Variants in WDR70 observed in about 807,000 individuals in gnomAD.
WDR70 encodes WD repeat-containing protein 70.
Under a neutral mutation model 88.6 loss-of-function variants are expected in WDR70, and 53 were observed. The observed-to-expected ratio is 0.60, with a 90% CI of 0.48 to 0.75. WDR70 has a LOEUF of 0.75. Ranked by LOEUF, WDR70 falls within the 30% of genes least tolerant of loss-of-function variation. The probability of loss-of-function intolerance (pLI) is 0.00; values close to 1 mark genes in which losing one functional copy is unlikely to be tolerated. For missense variants in WDR70, 610 were observed against 823.2 expected (o/e 0.74, Z 3.17); for synonymous variants, 280 against 270.0 (o/e 1.04, Z -0.36).
intron 10 of WDR70, among the ~76,000 whole-genome samples, chr5:37,628,065 T>A (rs1744715057): frequency 6.6e-6 from 1 of 152,178 alleles, no homozygotes; most frequent in Non-Finnish European, 1.5e-5. Context: ...GCTAGGACTA[T>A]AGGCACATGA....
chr5:37,512,166 T>A (rs1406633132), intron 8 of WDR70, among the ~76,000 whole-genome samples: 1 of 152,180 alleles, frequency 6.6e-6, no homozygotes, highest in Non-Finnish European at 1.5e-5. Flanking sequence ...ATTCTCTGCC[T>A]CTGTCTTTAC....
At chr5:37,728,270 C>T (rs1200418500) in intron 17 of WDR70, among the ~76,000 whole-genome samples, 2 of 150,692 alleles carry the variant, frequency 1.3e-5, no homozygotes, top group Non-Finnish European at 2.9e-5. Context: ...ATTGCTTGAA[C>T]CCGGGAGGTG....
intron 3 of WDR70, among the ~76,000 whole-genome samples, chr5:37,382,441 C>T (rs1387558799): frequency 6.6e-6 from 1 of 150,916 alleles, no homozygotes; most frequent in East Asian, 2.0e-4. Flanking sequence ...GAGATGGAGT[C>T]TCGCTTTATT....
chr5:37,750,018 AT>A, intron 17 of WDR70, among the ~76,000 whole-genome samples: 1 of 152,160 alleles, frequency 6.6e-6, no homozygotes, highest in East Asian at 1.9e-4. Flanking sequence ...TTGAGGTACA[AT>A]TTACATACAA....
At chr5:37,602,225 A>T (rs913799812) in intron 9 of WDR70, among the ~76,000 whole-genome samples, 12 of 151,708 alleles carry the variant, frequency 7.9e-5, no homozygotes, top group African/African-American at 1.2e-4. Flanking sequence ...TATATATATA[A>T]AAAGAAATTA....
intron 9 of WDR70, among the ~76,000 whole-genome samples, chr5:37,576,572 A>G (rs1743061071): frequency 6.6e-6 from 1 of 152,176 alleles, no homozygotes; most frequent in South Asian, 2.1e-4. Flanking sequence ...CATTAGAACA[A>G]CTAGGCTCTT....
At chr5:37,607,488 T>A (rs537863533) in intron 10 of WDR70, among the ~76,000 whole-genome samples, 58 of 152,312 alleles carry the variant, frequency 3.8e-4, no homozygotes, top group Non-Finnish European at 6.3e-4. Context: ...ACAAAACATA[T>A]CTTTTTAGAA....
chr5:37,703,989 C>T (rs1747244984), intron 13 of WDR70, among the ~76,000 whole-genome samples: 1 of 152,134 alleles, frequency 6.6e-6, no homozygotes, highest in Admixed American at 6.5e-5. Flanking sequence ...GACAATTGAA[C>T]AACTGTTTTT....
rs12188864 is a variant in WDR70, at chr5:37,751,353, C to T, written c.1878-1133C>T. ...TTAAAGTGACAACAAGAAGTTTAAC[C>T]AACTGGGTTGTGTATGGGGACAGCT... On this transcript the variant is annotated intron_variant, in intron 17 of 17. Transcript: ENST00000265107. 8.5e-5 allele frequency among the ~76,000 whole-genome samples: 13 copies of T among 152,186 alleles called. No individual in the cohort carries two copies. The South Asian group carries it at 1.9e-3, about 22-fold the overall frequency.
chr5:37,612,185 A>G (rs979561040), intron 10 of WDR70, among the ~76,000 whole-genome samples: 1 of 152,172 alleles, frequency 6.6e-6, no homozygotes, highest in Non-Finnish European at 1.5e-5. Context: ...TGTTTCTGGT[A>G]TCTTTGAGAA....
chr5:37,617,540 A>C (rs1000657497), intron 10 of WDR70, among the ~76,000 whole-genome samples: 4 of 152,180 alleles, frequency 2.6e-5, no homozygotes, highest in Non-Finnish European at 4.4e-5. Context: ...TTGCCACTGG[A>C]ATATGGGAGT....
intron 10 of WDR70, among the ~76,000 whole-genome samples, chr5:37,608,673 T>G (rs1263413296): frequency 1.3e-5 from 2 of 152,148 alleles, no homozygotes; most frequent in African/African-American, 4.8e-5. Flanking sequence ...TCCTTCTGCT[T>G]CAGCCTCTCG....
intron 10 of WDR70, among the ~76,000 whole-genome samples, chr5:37,663,964 A>G (rs1463573739): frequency 6.6e-6 from 1 of 152,048 alleles, no homozygotes; most frequent in Non-Finnish European, 1.5e-5. Context: ...AGCTTTCTCC[A>G]ACTCTAACTT....
At chr5:37,491,208 C>T (rs140903597) in intron 8 of WDR70, among the ~76,000 whole-genome samples, 53 of 152,242 alleles carry the variant, frequency 3.5e-4, no homozygotes, top group African/African-American at 1.3e-3. Flanking sequence ...CCCAGCTGGT[C>T]CTGGCTGGGC....
Position 37,634,312 on chromosome 5 carries a change from G to GA in WDR70, c.1092+29082dup, listed in dbSNP as rs1157262062. The stretch of plus-strand genomic sequence containing the variant: ...GGACCCTGTCTCAAAAAAAAAAAAA[G>GA]AAAAAAAAGAAAAAAAAAAACCTAG... On this transcript the variant is annotated intron_variant, in intron 10 of 17. Transcript: ENST00000265107. Among the ~76,000 whole-genome samples, 6 of 124,418 alleles carry GA rather than the reference G, an allele frequency of 4.8e-5. No individual in the cohort carries two copies. In the South Asian group the frequency reaches 7.6e-4, roughly 16 times the overall value. The allele number at this position is 124,418 out of a possible 152,430, so 81.6% of individuals were successfully genotyped here. A position where few individuals can be genotyped will look rare whatever the true frequency, so the allele number is the denominator to read the frequency against.
intron 9 of WDR70, among the ~76,000 whole-genome samples, chr5:37,567,718 AT>A (rs1478593166): frequency 1.3e-5 from 2 of 151,870 alleles, no homozygotes; most frequent in East Asian, 3.9e-4. Flanking sequence ...GAGGGGGGAG[AT>A]TTTTTTAACC....
At chr5:37,679,878 G>C (rs1746371935) in intron 10 of WDR70, among the ~76,000 whole-genome samples, 1 of 152,248 alleles carries the variant, frequency 6.6e-6, no homozygotes, top group Non-Finnish European at 1.5e-5. Context: ...GAGCTGTGGT[G>C]GGCTCCACCC....
intron 8 of WDR70, among the ~76,000 whole-genome samples, chr5:37,498,805 A>G (rs1740307141): frequency 6.6e-6 from 1 of 152,170 alleles, no homozygotes; most frequent in Admixed American, 6.5e-5. Flanking sequence ...TGTTACAAAC[A>G]TTTGTGTGTA....
At chr5:37,673,848 A>G (rs1298063279) in intron 10 of WDR70, among the ~76,000 whole-genome samples, 1 of 151,374 alleles carries the variant, frequency 6.6e-6, no homozygotes, top group African/African-American at 2.4e-5. Flanking sequence ...TTTAGCTCCC[A>G]CTTGTGAGAA....
Sources: gnomAD v4.1 joint callset for allele counts (sites outside exome capture counted in the v4.1 genomes callset) on GRCh38, gnomAD v4.1.1 for gene constraint, MANE v1.5 for transcripts, NCBI Gene and HGNC (gene_info 2026-07-23, HGNC 2026-07-21) for gene names.